CACNA1A: variants seen among roughly 807,000 people sequenced by gnomAD.
CACNA1A encodes the protein calcium voltage-gated channel subunit alpha1 A.
In CACNA1A, 57 loss-of-function variants were observed where a neutral mutation model predicts 262.4. The observed-to-expected ratio is 0.22, with a 90% CI of 0.18 to 0.27. The LOEUF is 0.27. Among genes scored for constraint, CACNA1A ranks in the 10% least tolerant of loss-of-function variants. The pLI is 1.00. For missense variants in CACNA1A, 2,526 were observed against 3,562.8 expected, an observed-to-expected ratio of 0.71 and a Z score of 7.41; for synonymous variants, 1,431 against 1,419.3, an observed-to-expected ratio of 1.01 and a Z score of -0.18.
chr19:13,360,321 G>A (rs555754256), intron 5 of CACNA1A, among the ~76,000 whole-genome samples: 34 of 133,526 alleles, frequency 2.5e-4, no homozygotes, highest in Admixed American at 1.7e-3. Context: ...GGGAGAGAAC[G>A]GGGGGAGAGA....
Position 13,310,210 on chromosome 19 carries a change from C to G in CACNA1A, c.1669-1682G>C, listed in dbSNP as rs1382747127. On this transcript the variant is annotated intron_variant, in intron 12 of 46. Transcript: ENST00000360228. ...GTGGCTCACGCTTGTAATCCCAGCA[C>G]TTTGGGAGGCCAGGGCAGGTGGATC... 3.3e-5 allele frequency among the ~76,000 whole-genome samples: 5 copies of G among 151,734 alleles called. No individual in the cohort carries two copies. The South Asian group carries it at 1.0e-3, about 32-fold the overall frequency.
At chr19:13,446,442 CTTTTTTTTT>C (rs547034790) in intron 3 of CACNA1A, among the ~76,000 whole-genome samples, 1 of 122,540 alleles carries the variant, frequency 8.2e-6, no homozygotes, top group East Asian at 2.4e-4. Flanking sequence ...TTTTTTCTTT[CTTTTTTTTT>C]TTTTTTTTGA....
chr19:13,393,675 CTCTTTCTTTCCTTT>C (rs1223510904), intron 3 of CACNA1A, among the ~76,000 whole-genome samples: 1 of 145,438 alleles, frequency 6.9e-6, no homozygotes, highest in Admixed American at 7.0e-5. Context: ...TTCTTTCTTT[CTCTTTCTTTCCTTT>C]TCTTTCTTTA....
chr19:13,464,543 ATTTTTTTTT>A (rs540418372), intron 1 of CACNA1A, among the ~76,000 whole-genome samples: 1 of 128,960 alleles, frequency 7.8e-6, no homozygotes, highest in Admixed American at 7.7e-5. Context: ...AACTTTTCCA[ATTTTTTTTT>A]TTTTTTTTTT....
intron 30 of CACNA1A, among the ~76,000 whole-genome samples, chr19:13,251,016 C>T (rs531429540): frequency 1.2e-4 from 18 of 151,124 alleles, no homozygotes; most frequent in Non-Finnish European, 2.6e-4. Flanking sequence ...TCTGTAGTCC[C>T]AGCTACTCAG....
At chr19:13,217,644 G>A (rs2055064377) in intron 38 of CACNA1A, among the ~76,000 whole-genome samples, 2 of 152,238 alleles carry the variant, frequency 1.3e-5, no homozygotes, top group South Asian at 2.1e-4. Context: ...GGAACTGAGT[G>A]GCATCTGGGG....
At chr19:13,365,039 C>T in intron 5 of CACNA1A, 1 of 263,062 alleles carries the variant, frequency 3.8e-6, no homozygotes, top group South Asian at 1.0e-4. Flanking sequence ...TAAAAGATCC[C>T]TTCTTTCTCT....
In CACNA1A at chr19:13,294,487, C is replaced by CTTTTTTTTTTTTTTTTTTTTTTTTTT. The variant is rs780908964; in HGVS notation, c.3089+4056_3089+4057insAAAAAAAAAAAAAAAAAAAAAAAAAA. ...TACAGGTGCATACCACTGTACCTGG[C>CTTTTTTTTTTTTTTTTTTTTTTTTTT]TTTTTTTTTTTTTTTTTTTTTTTGA... On this transcript the variant is annotated intron_variant, in intron 19 of 46. Coordinates refer to ENST00000360228, the MANE Select transcript of CACNA1A (RefSeq NM_001127222.2). Among the ~76,000 whole-genome samples, 2 of 72,526 alleles carry CTTTTTTTTTTTTTTTTTTTTTTTTTT rather than the reference C, an allele frequency of 2.8e-5. 1 individual carries two copies. Among genetic ancestry groups the CTTTTTTTTTTTTTTTTTTTTTTTTTT allele is most frequent in the African/African-American group, 1.3e-4 (2 of 15,310 alleles). The allele number at this position is 72,526 out of a possible 152,430, so 47.6% of individuals were successfully genotyped here. A position where few individuals can be genotyped will look rare whatever the true frequency, so the allele number is the denominator to read the frequency against.
rs2056206077 is a variant in CACNA1A at position 13,245,537 on chromosome 19, C to G, written c.4867-272G>C. On this transcript the variant is annotated intron_variant, in intron 30 of 46. Transcript: ENST00000360228. Reference sequence around the variant, plus strand: ...GCTCCACAGGGCTGGGGCTGCTCTTCAGAGCTGTGGCCTGTCTCTCCAGCA... The same window carrying G: ...GCTCCACAGGGCTGGGGCTGCTCTTGAGAGCTGTGGCCTGTCTCTCCAGCA... 4 of 488,456 alleles carry G rather than the reference C, an allele frequency of 8.2e-6. No individual in the cohort carries two copies. In the South Asian group the frequency reaches 1.1e-4, roughly 13 times the overall value. 30.3% of individuals were successfully genotyped at this position (488,456 alleles called of 1,614,324 possible). A position where few individuals can be genotyped will look rare whatever the true frequency, so the allele number is the denominator to read the frequency against.
intron 3 of CACNA1A, among the ~76,000 whole-genome samples, chr19:13,381,216 C>T (rs1046389362): frequency 3.3e-5 from 5 of 151,790 alleles, no homozygotes; most frequent in Middle Eastern, 6.8e-3. Flanking sequence ...AAGACCTTGT[C>T]GCTATTAAAA....
chr19:13,370,910 G>T (rs1321350873), intron 4 of CACNA1A: 1 of 151,982 alleles, frequency 6.6e-6, no homozygotes, highest in East Asian at 1.9e-4. Flanking sequence ...ACCAAGACAA[G>T]AAGATAGAAA....
chr19:13,238,093 G>C (rs566162824), intron 31 of CACNA1A, among the ~76,000 whole-genome samples: 1 of 152,164 alleles, frequency 6.6e-6, no homozygotes, highest in Non-Finnish European at 1.5e-5. Flanking sequence ...GTGGAGACGG[G>C]AAGGGTTTGG....
At chr19:13,487,310 A>G (rs1393643396) in intron 1 of CACNA1A, among the ~76,000 whole-genome samples, 3 of 152,178 alleles carry the variant, frequency 2.0e-5, no homozygotes, top group African/African-American at 7.2e-5. Flanking sequence ...AGAGGGGGAA[A>G]CAGGTGGGGG....
chr19:13,398,257 C>T (rs1385013836), intron 3 of CACNA1A, among the ~76,000 whole-genome samples: 11 of 150,292 alleles, frequency 7.3e-5, no homozygotes, highest in Admixed American at 1.3e-4. Context: ...AGCAAAACTC[C>T]GTCGCAAAAG....
At chr19:13,334,355 G>T in intron 8 of CACNA1A, 23 bp downstream of exon 8, 1 of 1,212,174 alleles carries the variant, frequency 8.2e-7, no homozygotes, top group South Asian at 1.2e-5. Flanking sequence ...CCATCCCTGG[G>T]CCCCAGGATG....
intron 38 of CACNA1A, among the ~76,000 whole-genome samples, chr19:13,218,834 G>A (rs1473329537): frequency 6.6e-6 from 1 of 151,426 alleles, no homozygotes; most frequent in Non-Finnish European, 1.5e-5. Flanking sequence ...GCCTCCCAGG[G>A]TCAAGCGATT....
chr19:13,427,218 G>A (rs895963108), intron 3 of CACNA1A, among the ~76,000 whole-genome samples: 3 of 152,036 alleles, frequency 2.0e-5, no homozygotes, highest in African/African-American at 7.2e-5. Context: ...TTGGGGGGCC[G>A]AGATGGGCGG....
intron 19 of CACNA1A, among the ~76,000 whole-genome samples, chr19:13,290,980 T>G (rs1184198564): frequency 2.0e-5 from 3 of 152,086 alleles, no homozygotes; most frequent in Admixed American, 6.6e-5. Flanking sequence ...GTCTGTTGGC[T>G]CTGTTTGTTG....
chr19:13,367,757 G>A (rs765748133), intron 4 of CACNA1A, among the ~76,000 whole-genome samples: 3 of 151,964 alleles, frequency 2.0e-5, no homozygotes, highest in Non-Finnish European at 4.4e-5. Flanking sequence ...AACAGTCCCC[G>A]AAGGGACACA....
Sources: allele counts gnomAD v4.1 joint callset (sites outside exome capture counted in the v4.1 genomes callset), GRCh38; gene constraint gnomAD v4.1.1; transcripts MANE v1.5; gene names NCBI Gene and HGNC (gene_info 2026-07-23, HGNC 2026-07-21).